The following FAM13A variants were observed in gnomAD, a reference collection of about 807,000 sequenced individuals.
FAM13A encodes the protein family with sequence similarity 13 member A, also known as protein FAM13A.
A neutral mutation model predicts 129.6 loss-of-function variants in FAM13A; 76 were observed. That is an observed-to-expected ratio of 0.59 (90% CI 0.49 to 0.71). The LOEUF is 0.71. Among genes scored for constraint, FAM13A ranks in the 30% least tolerant of loss-of-function variants. The probability of loss-of-function intolerance (pLI) is 0.00; values close to 1 mark genes in which losing one functional copy is unlikely to be tolerated. For synonymous variants in FAM13A, 443 were observed against 449.9 expected (o/e 0.98, Z 0.20); for missense variants, 1,108 against 1,249.3 (o/e 0.89, Z 1.70).
At chr4:88,865,988 C>T (rs1740366717) in intron 6 of FAM13A, among the ~76,000 whole-genome samples, 1 of 146,958 alleles carries the variant, frequency 6.8e-6, no homozygotes, top group African/African-American at 2.5e-5. Flanking sequence ...TTTCATGCCT[C>T]AGCCTCCCAA....
At chr4:88,988,464 ATTAAGTAT>A (rs1388590977) in intron 4 of FAM13A, among the ~76,000 whole-genome samples, 1 of 152,202 alleles carries the variant, frequency 6.6e-6, no homozygotes, top group Non-Finnish European at 1.5e-5. Flanking sequence ...AGGATGCATT[ATTAAGTAT>A]TTAACAGTGA....
intron 4 of FAM13A, among the ~76,000 whole-genome samples, chr4:88,983,484 A>G (rs887104930): frequency 1.3e-5 from 2 of 152,202 alleles, no homozygotes; most frequent in Non-Finnish European, 2.9e-5. Context: ...CATGCAAATT[A>G]AAACTATATT....
At chr4:88,944,738 C>T (rs1579410659) in intron 4 of FAM13A, among the ~76,000 whole-genome samples, 1 of 151,838 alleles carries the variant, frequency 6.6e-6, no homozygotes. Flanking sequence ...CCTGTCTCTA[C>T]TAAAAATACA....
In FAM13A at chr4:88,949,534, G is replaced by A. The variant is rs541443959; in HGVS notation, c.606-11293C>T. On this transcript the variant is annotated intron_variant, in intron 4 of 23. Coordinates refer to ENST00000264344, the MANE Select transcript of FAM13A (RefSeq NM_014883.4). ...AAAAGATGCAAAAGTTTCCAAATTTGTACTCTCCTGTCTCTGAATCTATTT... is the reference window on the plus strand; with the variant it reads ...AAAAGATGCAAAAGTTTCCAAATTTATACTCTCCTGTCTCTGAATCTATTT... Among the ~76,000 whole-genome samples, 20 of 152,252 alleles carry A rather than the reference G, an allele frequency of 1.3e-4. No homozygotes were observed. The East Asian group carries it at 1.9e-3, about 15-fold the overall frequency.
chr4:88,737,414 G>A (rs1739215579), intron 21 of FAM13A, 58 bp downstream of exon 21: 28 of 1,412,650 alleles, frequency 2.0e-5, no homozygotes, highest in Admixed American at 8.4e-5. Flanking sequence ...CGGAGGGGAG[G>A]GGAGGAGGGA....
chr4:88,944,567 T>C (rs917570418), intron 4 of FAM13A, among the ~76,000 whole-genome samples: 1 of 151,972 alleles, frequency 6.6e-6, no homozygotes, highest in Non-Finnish European at 1.5e-5. Flanking sequence ...CAAAGTCCGA[T>C]GTCTGCATTG....
chr4:88,939,674 G>A (rs2148819907), intron 4 of FAM13A, among the ~76,000 whole-genome samples: 1 of 152,210 alleles, frequency 6.6e-6, no homozygotes, highest in South Asian at 2.1e-4. Flanking sequence ...AAGGTGATAG[G>A]ATGTCGCTCC....
intron 4 of FAM13A, among the ~76,000 whole-genome samples, chr4:88,939,305 T>A (rs1044555446): frequency 6.6e-6 from 1 of 152,100 alleles, no homozygotes; most frequent in Non-Finnish European, 1.5e-5. Flanking sequence ...CACATCAATC[T>A]TTAACCAGGG....
At chr4:88,960,825 A>C (rs1318016279) in intron 4 of FAM13A, among the ~76,000 whole-genome samples, 2 of 152,218 alleles carry the variant, frequency 1.3e-5, no homozygotes, top group Non-Finnish European at 2.9e-5. Context: ...TTACATTTGC[A>C]AAGCAGAAAT....
chr4:88,848,733 C>A (rs370837373), intron 7 of FAM13A, among the ~76,000 whole-genome samples: 22 of 152,304 alleles, frequency 1.4e-4, no homozygotes, highest in African/African-American at 5.3e-4. Flanking sequence ...GAATTTATAT[C>A]ATTTTTCTAC....
At chr4:88,995,401 C>G (rs774707570) in intron 3 of FAM13A, among the ~76,000 whole-genome samples, 14 of 152,018 alleles carry the variant, frequency 9.2e-5, no homozygotes, top group Non-Finnish European at 1.8e-4. Flanking sequence ...GCAGACCCAC[C>G]CTCAGTGTCT....
At chr4:89,029,424 G>C (rs202244746) in intron 2 of FAM13A, 36 bp downstream of exon 2, 2 of 1,522,742 alleles carry the variant, frequency 1.3e-6, no homozygotes, top group Admixed American at 2.0e-5. Context: ...GCAAGGGACT[G>C]TGAAAATGAA....
chr4:88,950,945 T>A (rs1192225141), intron 4 of FAM13A, among the ~76,000 whole-genome samples: 1 of 152,168 alleles, frequency 6.6e-6, no homozygotes, highest in Non-Finnish European at 1.5e-5. Flanking sequence ...TCAGAGAACC[T>A]GCATTAGATA....
intron 6 of FAM13A, among the ~76,000 whole-genome samples, chr4:88,858,633 A>G (rs529076889): frequency 6.6e-6 from 1 of 152,348 alleles, no homozygotes; most frequent in Admixed American, 6.5e-5. Context: ...GAAAGGAGGC[A>G]GAAACAAAAG....
chr4:89,036,473 T>C (rs1028515322), intron 1 of FAM13A, among the ~76,000 whole-genome samples: 4 of 152,230 alleles, frequency 2.6e-5, no homozygotes, highest in South Asian at 2.1e-4. Context: ...CTTGAACTTA[T>C]ATTCATTAAT....
At chr4:88,809,913 A>G (rs1729336429) in intron 7 of FAM13A, among the ~76,000 whole-genome samples, 1 of 150,498 alleles carries the variant, frequency 6.6e-6, no homozygotes, top group South Asian at 2.1e-4. Context: ...TTTTCGGATC[A>G]GTTCATAACT....
chr4:88,858,291 T>C (rs1738891870), intron 6 of FAM13A, among the ~76,000 whole-genome samples: 2 of 152,242 alleles, frequency 1.3e-5, no homozygotes, highest in African/African-American at 4.8e-5. Context: ...CAAAGTTATT[T>C]GCTCAATTCT....
intron 4 of FAM13A, among the ~76,000 whole-genome samples, chr4:88,955,408 C>G (rs1346447190): frequency 6.6e-6 from 1 of 152,102 alleles, no homozygotes; most frequent in Admixed American, 6.6e-5. Context: ...TCAATTAAAC[C>G]TCTTTCCTTT....
chr4:89,005,237 G>A (rs1187726526), intron 3 of FAM13A, among the ~76,000 whole-genome samples: 1 of 152,196 alleles, frequency 6.6e-6, no homozygotes, highest in African/African-American at 2.4e-5. Flanking sequence ...TCCCATGAAA[G>A]ACATGTTCTT....
Sources: gnomAD v4.1 joint callset for allele counts (sites outside exome capture counted in the v4.1 genomes callset) on GRCh38, gnomAD v4.1.1 for gene constraint, MANE v1.5 for transcripts, NCBI Gene and HGNC (gene_info 2026-07-23, HGNC 2026-07-21) for gene names.